Variants in MACROD1 observed in about 807,000 individuals in gnomAD.
MACROD1 encodes mono-ADP ribosylhydrolase 1, also known as ADP-ribose glycohydrolase MACROD1.
Under a neutral mutation model 41.4 loss-of-function variants are expected in MACROD1, and 31 were observed. The ratio of observed to expected loss-of-function variants is 0.75; its 90% CI spans 0.56 to 1.01. The LOEUF is 1.01. Among genes scored for constraint, MACROD1 ranks in the 50% least tolerant of loss-of-function variants. The pLI is 0.00. For synonymous variants in MACROD1, 252 were observed against 203.4 expected (o/e 1.24, Z -2.03); for missense variants, 473 against 460.0 (o/e 1.03, Z -0.26).
chr11:64,080,738 C>T (rs1023558287), intron 3 of MACROD1, among the ~76,000 whole-genome samples: 4 of 152,182 alleles, frequency 2.6e-5, no homozygotes, highest in Non-Finnish European at 5.9e-5. Flanking sequence ...AGGGGACAGG[C>T]CCCCGGCTGG....
chr11:64,079,940 C>T (rs1009031748), intron 3 of MACROD1, among the ~76,000 whole-genome samples: 5 of 152,194 alleles, frequency 3.3e-5, no homozygotes, highest in Non-Finnish European at 5.9e-5. Context: ...AAGGGACAAA[C>T]TGACCTGAGA....
At chr11:64,076,551 T>C (rs956828322) in intron 3 of MACROD1, among the ~76,000 whole-genome samples, 13 of 152,154 alleles carry the variant, frequency 8.5e-5, no homozygotes. Flanking sequence ...TAGTTGCTTC[T>C]CTAAGTTCTC....
chr11:64,074,612 C>A (rs754567065), intron 3 of MACROD1, among the ~76,000 whole-genome samples: 1 of 152,198 alleles, frequency 6.6e-6, no homozygotes, highest in Non-Finnish European at 1.5e-5. Flanking sequence ...TCTCCCATTG[C>A]TGAACTGGGC....
At chr11:64,029,207 T>A (rs1186393979) in intron 3 of MACROD1, among the ~76,000 whole-genome samples, 2 of 152,100 alleles carry the variant, frequency 1.3e-5, no homozygotes, top group African/African-American at 4.8e-5. Context: ...TGCTGGGATG[T>A]GGGCGCTGGG....
intron 3 of MACROD1, among the ~76,000 whole-genome samples, chr11:64,025,316 C>T (rs962219978): frequency 1.3e-5 from 2 of 152,178 alleles, no homozygotes; most frequent in Non-Finnish European, 2.9e-5. Flanking sequence ...TGAGCACCAG[C>T]TCTGAACAGC....
intron 3 of MACROD1, among the ~76,000 whole-genome samples, chr11:64,095,378 C>T (rs377552739): frequency 3.3e-5 from 5 of 152,146 alleles, no homozygotes; most frequent in Non-Finnish European, 2.9e-5. Flanking sequence ...CCGCCTGGGC[C>T]GAGCGCACAG....
intron 3 of MACROD1, among the ~76,000 whole-genome samples, chr11:64,037,446 A>G (rs1271601684): frequency 1.3e-5 from 2 of 152,218 alleles, no homozygotes; most frequent in African/African-American, 4.8e-5. Flanking sequence ...ATCACCTGTC[A>G]GCTGGTGCTG....
chr11:64,028,228 C>G (rs1321701104), intron 3 of MACROD1, among the ~76,000 whole-genome samples: 2 of 152,258 alleles, frequency 1.3e-5, no homozygotes, highest in Non-Finnish European at 2.9e-5. Context: ...CCTGCTGTCC[C>G]CAGCGCCAGG....
At chr11:64,018,259 A>T (rs1196271892) in intron 3 of MACROD1, among the ~76,000 whole-genome samples, 1 of 152,034 alleles carries the variant, frequency 6.6e-6, no homozygotes, top group African/African-American at 2.4e-5. Flanking sequence ...CCCCTTCTCT[A>T]GCCCCCTGTG....
chr11:64,081,836 CACAG>C (rs2134493812), intron 3 of MACROD1: 1 of 152,318 alleles, frequency 6.6e-6, no homozygotes, highest in Admixed American at 6.5e-5. Flanking sequence ...CTCCCCAATT[CACAG>C]ACATGAAGAC....
At chr11:64,087,167 A>G (rs1427642170) in intron 3 of MACROD1, 3 of 152,166 alleles carry the variant, frequency 2.0e-5, no homozygotes, top group African/African-American at 7.2e-5. Flanking sequence ...AAAATAAATG[A>G]CGGCACGGTT....
intron 3 of MACROD1, chr11:64,119,013 C>G (rs535436124): frequency 6.0e-6 from 1 of 167,330 alleles, no homozygotes; most frequent in South Asian, 2.1e-4. Context: ...CGGCGGAAGC[C>G]GTAGCTTTCC....
chr11:64,150,950 G>A (rs1945566262), intron 3 of MACROD1, among the ~76,000 whole-genome samples: 1 of 152,200 alleles, frequency 6.6e-6, no homozygotes, highest in Non-Finnish European at 1.5e-5. Context: ...CCCCGCTGTG[G>A]CCTCTGCCTT....
At chr11:64,133,370 G>C (rs1422831146) in intron 3 of MACROD1, among the ~76,000 whole-genome samples, 1 of 152,224 alleles carries the variant, frequency 6.6e-6, no homozygotes, top group Non-Finnish European at 1.5e-5. Context: ...GGAGCCAAGA[G>C]AGGAGACTGC....
intron 3 of MACROD1, among the ~76,000 whole-genome samples, chr11:64,049,706 C>T (rs952054044): frequency 6.6e-6 from 1 of 152,222 alleles, no homozygotes; most frequent in Non-Finnish European, 1.5e-5. Flanking sequence ...GCAGGCTGCA[C>T]ACCCCAGAGC....
chr11:64,096,423 T>G lies in MACROD1; in HGVS notation c.517+54816A>C, dbSNP rs1052101934. Among the ~76,000 whole-genome samples, 42 of 151,810 alleles carry G rather than the reference T, an allele frequency of 2.8e-4. No homozygotes were observed. The highest frequency in any genetic ancestry group is 1.0e-3 in the African/African-American group (42 of 41,354). ...AGTGGTCGTTCCTGTCCCCTCTTTTTTTTTTTTGAGACTGAGTCTCGCTGT... is the reference window on the plus strand; with the variant it reads ...AGTGGTCGTTCCTGTCCCCTCTTTTGTTTTTTTGAGACTGAGTCTCGCTGT... On this transcript the variant is annotated intron_variant, in intron 3 of 10. Coordinates refer to ENST00000255681, the MANE Select transcript of MACROD1 (RefSeq NM_014067.4). This position sits in a 1 kb window ranked among gnomAD's most constrained non-coding sequence, Gnocchi z 4.6.
intron 3 of MACROD1, among the ~76,000 whole-genome samples, chr11:64,143,599 G>A (rs534682826): frequency 1.3e-5 from 2 of 151,984 alleles, no homozygotes; most frequent in South Asian, 2.1e-4. Flanking sequence ...TTTTTACAAC[G>A]ACCCCTCCCC....
intron 3 of MACROD1, among the ~76,000 whole-genome samples, chr11:64,106,150 G>A (rs919762930): frequency 2.0e-5 from 3 of 152,160 alleles, no homozygotes; most frequent in Non-Finnish European, 2.9e-5. Flanking sequence ...TGAGATAGGC[G>A]GTAGGAGACC....
chr11:64,006,052 A>G (rs553724), intron 4 of MACROD1, among the ~76,000 whole-genome samples: 74,446 of 152,158 alleles, frequency 0.49, 19,794 homozygotes, highest in African/African-American at 0.7. Context: ...GCAGAAAGGG[A>G]CAAGGCTCCC....
Sources: gnomAD v4.1 joint callset for allele counts (sites outside exome capture counted in the v4.1 genomes callset) on GRCh38, gnomAD v4.1.1 for gene constraint, Gnocchi (gnomAD v3.1) non-coding constraint, MANE v1.5 for transcripts, NCBI Gene and HGNC (gene_info 2026-07-23, HGNC 2026-07-21) for gene names.